Variants in CDH4 observed in about 807,000 individuals in gnomAD.
CDH4 encodes cadherin-4.
CDH4 carries 33 observed loss-of-function variants against 86.0 expected under a neutral mutation model. That is an observed-to-expected ratio of 0.38 (90% CI 0.29 to 0.51). The LOEUF is 0.51. Ranked by LOEUF, CDH4 falls within the 20% of genes least tolerant of loss-of-function variation. CDH4 has a pLI of 0.86. For missense variants in CDH4, 1,114 were observed against 1,307.4 expected, an observed-to-expected ratio of 0.85 and a Z score of 2.28; for synonymous variants, 555 against 549.4, an observed-to-expected ratio of 1.01 and a Z score of -0.14.
intron 2 of CDH4, among the ~76,000 whole-genome samples, chr20:61,366,287 G>A (rs570187672): frequency 6.6e-6 from 1 of 152,212 alleles, no homozygotes; most frequent in Non-Finnish European, 1.5e-5. Flanking sequence ...CGAGATTTCT[G>A]TCTTGGCTTA....
intron 2 of CDH4, among the ~76,000 whole-genome samples, chr20:61,352,499 G>A (rs920357617): frequency 3.9e-5 from 6 of 152,356 alleles, no homozygotes; most frequent in African/African-American, 1.4e-4. Flanking sequence ...CCCCGTGCCT[G>A]CCAGCGGGGT....
At chr20:61,287,353 T>C (rs1439910568) in intron 2 of CDH4, among the ~76,000 whole-genome samples, 1 of 152,116 alleles carries the variant, frequency 6.6e-6, no homozygotes, top group Non-Finnish European at 1.5e-5. Flanking sequence ...TGCACACCTG[T>C]AATCCCAGCT....
At chr20:61,697,656 T>C (rs1175664756) in intron 2 of CDH4, among the ~76,000 whole-genome samples, 2 of 152,136 alleles carry the variant, frequency 1.3e-5, no homozygotes, top group Non-Finnish European at 2.9e-5. Flanking sequence ...CAGCTCCCTG[T>C]GTTCCAGAAC....
At chr20:61,808,941 A>G (rs1378920469) in intron 4 of CDH4, among the ~76,000 whole-genome samples, 1 of 152,230 alleles carries the variant, frequency 6.6e-6, no homozygotes, top group East Asian at 1.9e-4. Context: ...AGCCATAAAG[A>G]TAATGTGACT....
intron 4 of CDH4, among the ~76,000 whole-genome samples, chr20:61,833,544 A>T (rs544923272): frequency 1.3e-5 from 2 of 152,272 alleles, no homozygotes; most frequent in East Asian, 3.9e-4. Context: ...AAAAGCCCAG[A>T]TTTATTCACA....
At chr20:61,486,354 T>G (rs562576533) in intron 2 of CDH4, among the ~76,000 whole-genome samples, 4 of 152,322 alleles carry the variant, frequency 2.6e-5, no homozygotes, top group African/African-American at 7.2e-5. Flanking sequence ...CTGGTAGCAT[T>G]CACACATGGA....
chr20:61,698,681 G>A (rs1209598361), intron 2 of CDH4, among the ~76,000 whole-genome samples: 1 of 152,234 alleles, frequency 6.6e-6, no homozygotes, highest in Non-Finnish European at 1.5e-5. Context: ...CAGAGTCTCA[G>A]CTGTGGGGCG....
At chr20:61,306,397 G>T (rs1370215910) in intron 2 of CDH4, among the ~76,000 whole-genome samples, 1 of 151,820 alleles carries the variant, frequency 6.6e-6, no homozygotes, top group Non-Finnish European at 1.5e-5. Flanking sequence ...GAGTACAGTG[G>T]CACGATCTCG....
intron 3 of CDH4, among the ~76,000 whole-genome samples, chr20:61,768,313 CCATA>C (rs2088726552): frequency 6.6e-6 from 1 of 152,054 alleles, no homozygotes; most frequent in African/African-American, 2.4e-5. Flanking sequence ...AGTCATACAC[CCATA>C]CATCTGTGCA....
At chr20:61,347,041 G>A (rs1023600355) in intron 2 of CDH4, among the ~76,000 whole-genome samples, 1 of 152,206 alleles carries the variant, frequency 6.6e-6, no homozygotes, top group Non-Finnish European at 1.5e-5. Flanking sequence ...TAGCCCAAGG[G>A]TTCTTCAAGG....
intron 2 of CDH4, among the ~76,000 whole-genome samples, chr20:61,737,400 C>T (rs1214962801): frequency 1.3e-5 from 2 of 152,234 alleles, no homozygotes; most frequent in Non-Finnish European, 2.9e-5. Flanking sequence ...TGGATCCCCA[C>T]AGGCTCAGAA....
chr20:61,326,502 C>T (rs1205910681), intron 2 of CDH4, among the ~76,000 whole-genome samples: 1 of 152,224 alleles, frequency 6.6e-6, no homozygotes, highest in Admixed American at 6.5e-5. Flanking sequence ...GAATCTGTCA[C>T]AGCATATGAA....
intron 8 of CDH4, among the ~76,000 whole-genome samples, chr20:61,897,545 C>T (rs958694502): frequency 6.6e-6 from 1 of 152,156 alleles, no homozygotes; most frequent in Non-Finnish European, 1.5e-5. Context: ...GACTAGCCAC[C>T]AGCACTGACC....
chr20:61,645,022 G>A (rs990630516), intron 2 of CDH4, among the ~76,000 whole-genome samples: 1 of 152,202 alleles, frequency 6.6e-6, no homozygotes, highest in Non-Finnish European at 1.5e-5. Context: ...GCTCCCGGGA[G>A]TCTCTTCTTA....
chr20:61,513,434 CCAACCTCACAG>C (rs1220132333), intron 2 of CDH4, among the ~76,000 whole-genome samples: 9 of 152,192 alleles, frequency 5.9e-5, no homozygotes, highest in Non-Finnish European at 7.4e-5. Flanking sequence ...TCATCTCATG[CCAACCTCACAG>C]CAACCCCACA....
chr20:61,511,271 A>G (rs2085777985), intron 2 of CDH4, among the ~76,000 whole-genome samples: 1 of 152,162 alleles, frequency 6.6e-6, no homozygotes. Flanking sequence ...GCCCCACTTC[A>G]CACCACCAGA....
At chr20:61,818,953 G>A (rs1257141762) in intron 4 of CDH4, among the ~76,000 whole-genome samples, 2 of 152,208 alleles carry the variant, frequency 1.3e-5, no homozygotes, top group Admixed American at 1.3e-4. Flanking sequence ...TCCCAGCCTG[G>A]CCTGCAGGGG....
intron 2 of CDH4, among the ~76,000 whole-genome samples, chr20:61,678,927 C>G (rs747875161): frequency 6.6e-6 from 1 of 152,206 alleles, no homozygotes; most frequent in African/African-American, 2.4e-5. Flanking sequence ...TCTAGGAGGA[C>G]ATGAATTTGG....
At chr20:61,368,156 G>A (rs943081544) in intron 2 of CDH4, among the ~76,000 whole-genome samples, 28 of 151,828 alleles carry the variant, frequency 1.8e-4, no homozygotes, top group African/African-American at 6.5e-4. Context: ...GGCGTGAGCC[G>A]CTGCGCCCGG....
Sources: gnomAD v4.1 joint callset for allele counts (sites outside exome capture counted in the v4.1 genomes callset) on GRCh38, gnomAD v4.1.1 for gene constraint, MANE v1.5 for transcripts, NCBI Gene and HGNC (gene_info 2026-07-23, HGNC 2026-07-21) for gene names.